The following ZFHX4 variants were observed in gnomAD, a reference collection of about 807,000 sequenced individuals.
ZFHX4 encodes the protein zinc finger homeobox 4.
ZFHX4 carries 56 observed loss-of-function variants against 267.6 expected under a neutral mutation model. The ratio of observed to expected loss-of-function variants is 0.21; its 90% CI spans 0.17 to 0.26. ZFHX4 has a LOEUF of 0.26. Among genes scored for constraint, ZFHX4 ranks in the 10% least tolerant of loss-of-function variants. ZFHX4 has a pLI of 1.00. For missense variants in ZFHX4, 4,332 were observed against 4,420.0 expected, an observed-to-expected ratio of 0.98 and a Z score of 0.56; for synonymous variants, 1,778 against 1,665.6, an observed-to-expected ratio of 1.07 and a Z score of -1.64.
At position 76,853,250 on chromosome 8, in the gene ZFHX4, C is replaced by G; in HGVS notation, c.6329C>G (p.Thr2110Ser). Residue 2110 changes from threonine to serine, a missense_variant, in exon 10 of 11, where the codon ACC becomes AGC. Transcript: ENST00000651372. ...PQMDALSADLTQLCQQQLGLD... is the reference protein window; with the variant it reads ...PQMDALSADLSQLCQQQLGLD... ...ATGGACGCACTCTCTGCAGACCTCA[C>G]CCAACTTTGCCAGCAGCAGCTCGGA... 1 of 1,587,270 alleles carries G rather than the reference C, an allele frequency of 6.3e-7. No individual in the cohort carries two copies. Among genetic ancestry groups the G allele is most frequent in the Non-Finnish European group, 8.6e-7 (1 of 1,166,286 alleles).
chr8:76,852,443 T>C lies in ZFHX4; in HGVS notation c.5522T>C (p.Ile1841Thr), dbSNP rs1812559221. ...TTATTGAAACAAGAGCAAAGTAACA[T>C]AGTGAGTGCAGACTGCCAAATCATG... ...SKLLKQEQSN[I>T]VSADCQIMKD... is the part of the protein sequence containing the mutation. Residue 1841 changes from isoleucine to threonine, a missense_variant, in exon 10 of 11, where the codon ATA (isoleucine) becomes ACA (threonine). By Grantham distance (89) the Ile-to-Thr change is moderately conservative (BLOSUM62 -1). Transcript: ENST00000651372. 4 of 1,563,758 alleles carry C rather than the reference T, an allele frequency of 2.6e-6. No homozygotes were observed. The highest frequency in any genetic ancestry group is 1.2e-5 in the South Asian group (1 of 84,922).
At chr8:76,703,563 G>A (rs1466356292) in intron 1 of ZFHX4, 2 of 152,446 alleles carry the variant, frequency 1.3e-5, no homozygotes, top group Non-Finnish European at 2.9e-5. Context: ...TTCTTTATTT[G>A]TTGGTCTCCC....
At chr8:76,779,576 TG>T (rs1810495301) in intron 4 of ZFHX4, among the ~76,000 whole-genome samples, 1 of 152,156 alleles carries the variant, frequency 6.6e-6, no homozygotes, top group African/African-American at 2.4e-5. Context: ...CCCGGACCAA[TG>T]AGGGCACTGC....
At chr8:76,764,531 A>G (rs182325374) in intron 3 of ZFHX4, among the ~76,000 whole-genome samples, 3 of 152,330 alleles carry the variant, frequency 2.0e-5, no homozygotes, top group East Asian at 3.9e-4. Flanking sequence ...TATTGAAAAC[A>G]ATGGTCTTGA....
intron 2 of ZFHX4, among the ~76,000 whole-genome samples, chr8:76,707,007 G>C (rs563696262): frequency 2.0e-5 from 3 of 152,260 alleles, no homozygotes; most frequent in Admixed American, 2.0e-4. Context: ...TTCAATTTTG[G>C]TGATTATTCG....
chr8:76,851,447 T>G lies in ZFHX4; in HGVS notation c.4526T>G (p.Ile1509Ser). The change falls in exon 10 of 11, where the codon ATT becomes AGT. Residue 1509 changes from isoleucine to serine, a missense_variant. Ile to Ser is a moderately radical substitution (Grantham distance 142). Coordinates refer to ENST00000651372, the MANE Select transcript of ZFHX4 (RefSeq NM_024721.5). ...ASPVGSDSSS[I>S]PDDMGSEPKR... ...CCTGTAGGAAGTGATAGTAGCTCTA[T>G]TCCAGATGACATGGGCTCTGAACCA... is the stretch of plus-strand genomic sequence containing the variant. 6.2e-7 allele frequency: 1 copy of G among 1,613,882 alleles called. No homozygotes were observed. Among genetic ancestry groups the G allele is most frequent in the South Asian group, 1.1e-5 (1 of 91,068 alleles).
At chr8:76,740,419 C>T (rs1446701101) in intron 3 of ZFHX4, among the ~76,000 whole-genome samples, 1 of 151,448 alleles carries the variant, frequency 6.6e-6, no homozygotes, top group Non-Finnish European at 1.5e-5. Flanking sequence ...GATGGGTGCA[C>T]CAGAATCTCA....
chr8:76,773,768 A>C (rs988831516), intron 3 of ZFHX4, among the ~76,000 whole-genome samples: 2 of 152,164 alleles, frequency 1.3e-5, no homozygotes, highest in African/African-American at 4.8e-5. Context: ...AATTTATTTC[A>C]TCTATGCTTT....
chr8:76,844,716 A>G (rs1014452017), intron 6 of ZFHX4, among the ~76,000 whole-genome samples: 1 of 152,122 alleles, frequency 6.6e-6, no homozygotes, highest in Admixed American at 6.6e-5. Context: ...ATCCCCATAT[A>G]AATGCCTTCC....
chr8:76,737,582 T>C (rs73690870), intron 3 of ZFHX4, among the ~76,000 whole-genome samples: 2,099 of 152,308 alleles, frequency 0.014, 46 homozygotes, highest in African/African-American at 0.048. Flanking sequence ...GCAAGTTACT[T>C]AACCTCTCTA....
At chr8:76,797,916 G>GTGTT (rs1179825249) in intron 4 of ZFHX4, among the ~76,000 whole-genome samples, 1 of 150,492 alleles carries the variant, frequency 6.6e-6, no homozygotes, top group Non-Finnish European at 1.5e-5. Context: ...GTGTGTGTGT[G>GTGTT]TGTCTGTGTG....
intron 6 of ZFHX4, among the ~76,000 whole-genome samples, chr8:76,845,043 C>A (rs145844208): frequency 5.1e-4 from 78 of 152,178 alleles, no homozygotes; most frequent in Middle Eastern, 6.8e-3. Flanking sequence ...TATCTTCATA[C>A]GTTAGATGGG....
Position 76,705,165 on chromosome 8 carries a change from C to T in ZFHX4, c.1077C>T (p.Thr359=). ...CAAACCTCATAGGACCCGATCCAAC[C>T]TTCCGCGGTTTATGGAGCGCTTTTC... ...STTNLIGPDP[T]FRGLWSAFHV... The change falls in exon 2 of 11, where the codon ACC becomes ACT. Residue 359 remains threonine (T), a synonymous_variant. Coordinates refer to ENST00000651372, the MANE Select transcript of ZFHX4 (RefSeq NM_024721.5). 2 of 1,613,892 alleles carry T rather than the reference C, an allele frequency of 1.2e-6. No homozygotes were observed. Among genetic ancestry groups the T allele is most frequent in the Non-Finnish European group, 1.7e-6 (2 of 1,179,904 alleles).
chr8:76,863,841 G>A lies in ZFHX4; in HGVS notation c.10127G>A (p.Ser3376Asn). The change falls in exon 11 of 11, where the codon AGC becomes AAC. Residue 3376 changes from serine (S) to asparagine (N), a missense_variant. This residue lies in a region of ZFHX4 where 1,648 missense variants were observed against 1,625.0 expected (regional missense o/e 1.01). Coordinates refer to ENST00000651372, the MANE Select transcript of ZFHX4 (RefSeq NM_024721.5). ...GAAGACAAAAGTACTGCTACAGAAA[G>A]CACAAAAGAAGAACCCCAGTTAGAA... ...TKEDKSTATE[S>N]TKEEPQLESK... The A allele has an allele frequency of 1.9e-6, 3 of 1,553,998 alleles. No homozygotes were observed. Among genetic ancestry groups the A allele is most frequent in the African/African-American group, 1.4e-5 (1 of 73,272 alleles).
chr8:76,776,050 GTGT>G, intron 3 of ZFHX4, among the ~76,000 whole-genome samples: 2 of 152,118 alleles, frequency 1.3e-5, no homozygotes, highest in Middle Eastern at 6.8e-3. Flanking sequence ...AGAAGGAAAT[GTGT>G]TGTTAAATAG....
In ZFHX4 at chr8:76,707,915, G is replaced by A. The variant is rs377161984; in HGVS notation, c.2960G>A (p.Arg987Lys). The change falls in exon 3 of 11, where the codon AGG (arginine) becomes AAG (lysine). Residue 987 changes from arginine (R) to lysine (K), a missense_variant. Coordinates refer to ENST00000651372, the MANE Select transcript of ZFHX4 (RefSeq NM_024721.5). The stretch of plus-strand genomic sequence containing the variant: ...GAAGGGGGCAAAAGCAATGAGTGGA[G>A]GTTGAAGTGTATTGCCATTGGCAAC... The part of the protein sequence containing the change: ...IKEGGKSNEW[R>K]LKCIAIGNPV... 1.2e-6 allele frequency: 2 copies of A among 1,613,918 alleles called. No homozygotes were observed. Among genetic ancestry groups the A allele is most frequent in the Non-Finnish European group, 1.7e-6 (2 of 1,179,934 alleles).
Position 76,863,623 on chromosome 8 carries a change from G to A in ZFHX4, c.9909G>A (p.Met3303Ile). ...GCCTCTTTCCTTATGGCCCTACAAT[G>A]CCCCAGACACTGGCAGGTCTGTCCC... ...MESLFPYGPT[M>I]PQTLAGLSPG... is the part of the protein sequence containing the mutation. Residue 3303 changes from methionine to isoleucine, a missense_variant, in exon 11 of 11, where the codon ATG becomes ATA. Transcript: ENST00000651372. 6.2e-7 allele frequency: 1 copy of A among 1,613,262 alleles called. No homozygotes were observed. Among genetic ancestry groups the A allele is most frequent in the Non-Finnish European group, 8.5e-7 (1 of 1,179,696 alleles).
At chr8:76,697,424 T>G (rs1807987872) in intron 1 of ZFHX4, among the ~76,000 whole-genome samples, 1 of 152,014 alleles carries the variant, frequency 6.6e-6, no homozygotes, top group Non-Finnish European at 1.5e-5. Flanking sequence ...TGTGATAACT[T>G]AAAAGGTTAT....
At position 76,851,303 on chromosome 8, in the gene ZFHX4, C is replaced by A; in HGVS notation, c.4382C>A (p.Ala1461Asp). 4 of 1,613,740 alleles carry A rather than the reference C, an allele frequency of 2.5e-6. No homozygotes were observed. The highest frequency in any genetic ancestry group is 2.5e-6 in the Non-Finnish European group (3 of 1,179,824). The change falls in exon 10 of 11, where the codon GCC (alanine) becomes GAC (aspartate). Residue 1461 changes from alanine (A) to aspartate (D), a missense_variant. Coordinates refer to ENST00000651372, the MANE Select transcript of ZFHX4 (RefSeq NM_024721.5). Reference sequence around the variant, plus strand: ...GAAGCTGAACTTCAACAGCTATATGCCTCCTTGCCCGTGAATGGAGAACTG... The same window carrying A: ...GAAGCTGAACTTCAACAGCTATATGACTCCTTGCCCGTGAATGGAGAACTG... ...LSEAELQQLY[A>D]SLPVNGELWA... is the part of the protein sequence containing the mutation.
Sources: allele counts gnomAD v4.1 joint callset (sites outside exome capture counted in the v4.1 genomes callset), GRCh38; gene constraint gnomAD v4.1.1; regional missense constraint gnomAD v4.1.1; transcripts MANE v1.5; gene names NCBI Gene and HGNC (gene_info 2026-07-23, HGNC 2026-07-21).